INTS6: variants seen among roughly 807,000 people sequenced by gnomAD.
The protein encoded by INTS6 is DEAD box protein.
Under a neutral mutation model 104.9 loss-of-function variants are expected in INTS6, and 16 were observed. The ratio of observed to expected loss-of-function variants is 0.15; its 90% CI spans 0.10 to 0.23. The LOEUF (loss-of-function observed/expected upper bound fraction) is 0.23, where lower values mean the gene tolerates loss of function less well. INTS6 is among the 10% of genes least tolerant of loss of function. The pLI, the probability that INTS6 is intolerant of heterozygous loss-of-function variation, is 1.00. For missense variants in INTS6, 584 were observed against 1,062.8 expected, an observed-to-expected ratio of 0.55 and a Z score of 6.26; for synonymous variants, 324 against 358.7, an observed-to-expected ratio of 0.90 and a Z score of 1.09.
chr13:51,406,812 A>G (rs745933747), intron 4 of INTS6, among the ~76,000 whole-genome samples: 14 of 152,056 alleles, frequency 9.2e-5, no homozygotes, highest in Admixed American at 3.3e-4. Flanking sequence ...CCCGTGGTCC[A>G]CAGGCTGCAT....
At chr13:51,436,811 G>A (rs2138124667) in intron 3 of INTS6, 1 of 152,312 alleles carries the variant, frequency 6.6e-6, no homozygotes, top group South Asian at 2.1e-4. Context: ...TCTAAAGTTT[G>A]AATGAAATTA....
chr13:51,361,401 A>AT, downstream of INTS6: 1 of 1,275,510 alleles, frequency 7.8e-7, no homozygotes, highest in Non-Finnish European at 1.1e-6. Flanking sequence ...CTGCTTACCC[A>AT]TATCTACCTT....
At chr13:51,348,087 G>A in the INTS6 span, 1 of 693,884 alleles carries the variant, frequency 1.4e-6, no homozygotes, top group African/African-American at 1.8e-5. Flanking sequence ...ACCGCCTCCT[G>A]AGGGTGAGGT....
intron 4 of INTS6, among the ~76,000 whole-genome samples, chr13:51,422,494 T>C (rs1238306711): frequency 6.6e-6 from 1 of 152,154 alleles, no homozygotes; most frequent in Non-Finnish European, 1.5e-5. Flanking sequence ...ACAAATCATC[T>C]TTGAAAACCT....
At chr13:51,388,845 A>G (rs1391416493) in intron 6 of INTS6, among the ~76,000 whole-genome samples, 3 of 152,212 alleles carry the variant, frequency 2.0e-5, no homozygotes, top group Non-Finnish European at 4.4e-5. Context: ...GGACTCAGCT[A>G]GAGTTAGAAG....
Position 51,364,168 on chromosome 13 carries a change from G to A in INTS6, c.*1584C>T, listed in dbSNP as rs1440931404. ...TGCATTACTTAAAAGTATTTGTATA[G>A]AAGTAAACAAAGCTTAAAGAACTGC... On this transcript the variant is annotated 3_prime_UTR_variant, in exon 18 of 18. Transcript: ENST00000311234. 1.4e-6 allele frequency: 1 copy of A among 710,504 alleles called. No homozygotes were observed. The highest frequency in any genetic ancestry group is 1.8e-5 in the African/African-American group (1 of 54,656). The allele number at this position is 710,504 out of a possible 1,614,324, so 44.0% of individuals were successfully genotyped here.
chr13:51,427,352 T>C (rs1957003055), intron 4 of INTS6, among the ~76,000 whole-genome samples: 1 of 152,156 alleles, frequency 6.6e-6, no homozygotes, highest in Admixed American at 6.5e-5. Context: ...AAATTGTTAT[T>C]CCCTAGTAGG....
At chr13:51,447,733 GAAAAAAAAAA>G (rs940260743) in intron 3 of INTS6, 5 of 55,462 alleles carry the variant, frequency 9.0e-5, no homozygotes, top group East Asian at 5.9e-4. Context: ...ATAATTTACT[GAAAAAAAAAA>G]AAAAAAAAAA....
rs188548054 is a variant in INTS6, at chr13:51,368,903, A to G, written c.2476+36T>C. ...TTTTTTGCTTTTTGAGCACATACAG[A>G]AATCAGATCTGAGGTTCGTCTCTTA... On this transcript the variant is annotated intron_variant, in intron 16 of 17. Coordinates refer to ENST00000311234, the MANE Select transcript of INTS6 (RefSeq NM_012141.3). The G allele has an allele frequency of 3.2e-5, 49 of 1,516,564 alleles. No individual in the cohort carries two copies. The Admixed American group carries it at 1.1e-3, about 34-fold the overall frequency. 93.9% of individuals were successfully genotyped at this position (1,516,564 alleles called of 1,614,324 possible). A position where few individuals can be genotyped will look rare whatever the true frequency, so the allele number is the denominator to read the frequency against.
At chr13:51,421,009 T>C (rs1265640993) in intron 4 of INTS6, 1 of 478,704 alleles carries the variant, frequency 2.1e-6, no homozygotes, top group Non-Finnish European at 2.7e-6. Flanking sequence ...TAATTACCAA[T>C]TGAACCTGGA....
chr13:51,436,283 G>A (rs1223010915), intron 3 of INTS6: 1 of 151,772 alleles, frequency 6.6e-6, no homozygotes, highest in Non-Finnish European at 1.5e-5. Context: ...AAATGTGTTT[G>A]GTATTCTAAA....
Position 51,362,049 on chromosome 13 carries a change from A to G in INTS6, c.*3703T>C. ...CCCAGTTGCTATCTTCTATCCTAAG[A>G]AAGGGGACTATTTCGTAAGTACAAA... On this transcript the variant is annotated 3_prime_UTR_variant, in exon 18 of 18. Transcript: ENST00000311234. 1 of 1,581,074 alleles carries G rather than the reference A, an allele frequency of 6.3e-7. No individual in the cohort carries two copies. The highest frequency in any genetic ancestry group is 8.5e-7 in the Non-Finnish European group (1 of 1,170,606).
chr13:51,373,055 T>C (rs1955843084), intron 15 of INTS6, among the ~76,000 whole-genome samples: 1 of 152,150 alleles, frequency 6.6e-6, no homozygotes, highest in African/African-American at 2.4e-5. Context: ...AAAAATATTT[T>C]TTTTCCAGGA....
downstream of INTS6, among the ~76,000 whole-genome samples, chr13:51,360,096 T>C (rs1955546051): frequency 6.6e-6 from 1 of 152,124 alleles, no homozygotes; most frequent in South Asian, 2.1e-4. Context: ...CGCATATTCT[T>C]TATTTTGGTC....
chr13:51,400,350 A>C (rs1187023945), intron 4 of INTS6, among the ~76,000 whole-genome samples: 2 of 152,212 alleles, frequency 1.3e-5, no homozygotes, highest in Non-Finnish European at 2.9e-5. Flanking sequence ...AGTTATCTAA[A>C]TATATTTTTC....
Position 51,375,077 on chromosome 13 carries a change from G to A in INTS6, c.1730-281C>T, listed in dbSNP as rs570536142. Among the ~76,000 whole-genome samples the A allele has an allele frequency of 3.2e-4, 48 of 152,172 alleles. 1 individual carries two copies. In the South Asian group the frequency reaches 9.4e-3, roughly 30 times the overall value. On this transcript the variant is annotated intron_variant, in intron 13 of 17. Transcript: ENST00000311234. ...ATACAGAAAGTATGTGTGGCCAGGCGCAGTGGCTCATGCCTGTAATCCCAG... is the reference window on the plus strand; with the variant it reads ...ATACAGAAAGTATGTGTGGCCAGGCACAGTGGCTCATGCCTGTAATCCCAG...
intron 7 of INTS6, chr13:51,384,033 A>T (rs761906663): frequency 6.7e-5 from 14 of 208,740 alleles, no homozygotes; most frequent in Non-Finnish European, 1.2e-4. Flanking sequence ...AAAAAATTAG[A>T]AATGTATATA....
intron 4 of INTS6, among the ~76,000 whole-genome samples, chr13:51,421,624 A>G (rs74084851): frequency 0.029 from 4,480 of 152,254 alleles, 223 homozygotes; most frequent in African/African-American, 0.1. Flanking sequence ...ATACAGCTAA[A>G]TAAGTATTAT....
At chr13:51,348,033 A>G in the INTS6 span, among the ~76,000 whole-genome samples, 1 of 151,880 alleles carries the variant, frequency 6.6e-6, no homozygotes, top group Non-Finnish European at 1.5e-5. Context: ...TAGGTCTAGG[A>G]TTTTTATAAA....
Sources: allele counts gnomAD v4.1 joint callset (sites outside exome capture counted in the v4.1 genomes callset), GRCh38; gene constraint gnomAD v4.1.1; transcripts MANE v1.5; gene names NCBI Gene and HGNC (gene_info 2026-07-23, HGNC 2026-07-21).